The following QKI variants were observed in gnomAD, a reference collection of about 807,000 sequenced individuals.
QKI encodes the protein KH domain-containing RNA-binding protein QKI.
In QKI, 10 loss-of-function variants were observed where a neutral mutation model predicts 39.0. The ratio of observed to expected loss-of-function variants is 0.26; its 90% CI spans 0.16 to 0.43. The LOEUF is 0.43. QKI is among the 20% of genes least tolerant of loss of function. The pLI is 1.00. For missense variants in QKI, 218 were observed against 428.0 expected (o/e 0.51, Z 4.33); for synonymous variants, 204 against 155.4 (o/e 1.31, Z -2.33).
chr6:163,498,747 T>C (rs978231616), intron 3 of QKI, among the ~76,000 whole-genome samples: 36 of 152,196 alleles, frequency 2.4e-4, no homozygotes, highest in Non-Finnish European at 1.5e-5. Flanking sequence ...GACAGGTTTG[T>C]ACGTGTGTCT....
At position 163,452,330 on chromosome 6, in the gene QKI, TTACTATCTTA is replaced by T. The variant is rs554712158; in HGVS notation, c.143-2945_143-2936del. ...CTTAGTTACCTTTTCATTCCCATCATTACTATCTTATACATTAATTTGTGTTCTGTTATGA... is the reference window on the plus strand; with the variant it reads ...CTTAGTTACCTTTTCATTCCCATCATTACATTAATTTGTGTTCTGTTATGA... On this transcript the variant is annotated intron_variant, in intron 1 of 7. Transcript: ENST00000361752. 2.6e-3 allele frequency among the ~76,000 whole-genome samples: 394 copies of T among 152,328 alleles called. 2 individuals are homozygous for T. The highest frequency in any genetic ancestry group is 2.1e-3 in the Non-Finnish European group (145 of 68,028).
intron 4 of QKI, among the ~76,000 whole-genome samples, chr6:163,539,995 C>T (rs9365574): frequency 0.78 from 118,339 of 151,776 alleles, 46,304 homozygotes; most frequent in East Asian, 1. Flanking sequence ...GTGATACTTA[C>T]GTAACATGAG....
chr6:163,527,245 GAATTA>G (rs1216759831), intron 3 of QKI, among the ~76,000 whole-genome samples: 1 of 152,078 alleles, frequency 6.6e-6, no homozygotes, highest in African/African-American at 2.4e-5. Context: ...AGTCAGTGAG[GAATTA>G]AATTGTGTGA....
chr6:163,560,328 T>C (rs149226030), intron 4 of QKI, among the ~76,000 whole-genome samples: 71 of 152,334 alleles, frequency 4.7e-4, no homozygotes, highest in Middle Eastern at 3.4e-3. Flanking sequence ...ATCAATGTTA[T>C]AATGAAACCA....
At chr6:163,538,020 C>T (rs1281768849) in intron 4 of QKI, among the ~76,000 whole-genome samples, 2 of 109,510 alleles carry the variant, frequency 1.8e-5, no homozygotes, top group African/African-American at 5.7e-5. Context: ...CTAAAGCACA[C>T]AGTCATATGT....
intron 7 of QKI, chr6:163,570,205 A>C (rs1311803185): frequency 1.0e-6 from 1 of 983,888 alleles, no homozygotes; most frequent in East Asian, 1.1e-4. Flanking sequence ...GAATTTCTTT[A>C]GATTCATTTC....
rs1029658550 is a variant in QKI at position 163,447,135 on chromosome 6, T to C, written c.143-8144T>C. Among the ~76,000 whole-genome samples, 3 of 152,210 alleles carry C rather than the reference T, an allele frequency of 2.0e-5. No individual in the cohort carries two copies. The South Asian group carries it at 6.2e-4, about 31-fold the overall frequency. On this transcript the variant is annotated intron_variant, in intron 1 of 7. Transcript: ENST00000361752. The stretch of plus-strand genomic sequence containing the variant: ...TGCCAGGAAATCCTCTATGAAACTC[T>C]TAAGTAAAGCTGGTTAGACTAGCTG...
At chr6:163,524,309 T>G (rs1046067572) in intron 3 of QKI, among the ~76,000 whole-genome samples, 2 of 150,920 alleles carry the variant, frequency 1.3e-5, no homozygotes, top group African/African-American at 4.9e-5. Flanking sequence ...GGTTAATATA[T>G]TTTATTAACT....
At chr6:163,494,659 T>TG (rs992569107) in intron 3 of QKI, among the ~76,000 whole-genome samples, 9 of 62,320 alleles carry the variant, frequency 1.4e-4, no homozygotes, top group African/African-American at 4.4e-4. Flanking sequence ...GGGTTTTTTT[T>TG]TTGTTTTTGT....
intron 1 of QKI, among the ~76,000 whole-genome samples, chr6:163,451,365 T>A (rs1790546893): frequency 6.6e-6 from 1 of 152,204 alleles, no homozygotes; most frequent in African/African-American, 2.4e-5. Flanking sequence ...TATAGGGTTT[T>A]GCATATTAAA....
At chr6:163,511,598 A>G (rs1288926879) in intron 3 of QKI, among the ~76,000 whole-genome samples, 1 of 152,032 alleles carries the variant, frequency 6.6e-6, no homozygotes, top group Non-Finnish European at 1.5e-5. Context: ...TAGACAACTT[A>G]GTTGAAAAAA....
At chr6:163,447,221 T>TA (rs891784235) in intron 1 of QKI, among the ~76,000 whole-genome samples, 1 of 151,206 alleles carries the variant, frequency 6.6e-6, no homozygotes, top group Non-Finnish European at 1.5e-5. Flanking sequence ...TATTGATAGA[T>TA]ATTTTACATA....
In QKI at chr6:163,574,765, C is replaced by T. The variant is rs1783889919; in HGVS notation, c.*4055C>T. The stretch of plus-strand genomic sequence containing the variant: ...ACTTGCTTTTTTCTGTGAAACAGTT[C>T]TCCTAGATACCAAAATCCTCAGGAT... On this transcript the variant is annotated 3_prime_UTR_variant, in exon 8 of 8. Coordinates refer to ENST00000361752, the MANE Select transcript of QKI (RefSeq NM_006775.3). 7.0e-6 allele frequency: 1 copy of T among 142,954 alleles called. No individual in the cohort carries two copies. The highest frequency in any genetic ancestry group is 2.5e-5 in the African/African-American group (1 of 40,740). 8.9% of individuals were successfully genotyped at this position (142,954 alleles called of 1,614,324 possible).
intron 1 of QKI, among the ~76,000 whole-genome samples, chr6:163,448,180 G>T (rs912854719): frequency 6.6e-6 from 1 of 152,078 alleles, no homozygotes; most frequent in Non-Finnish European, 1.5e-5. Flanking sequence ...GAAATTTATC[G>T]CCAGTTGTGG....
At chr6:163,455,810 C>G (rs981013150) in intron 2 of QKI, among the ~76,000 whole-genome samples, 2 of 152,184 alleles carry the variant, frequency 1.3e-5, no homozygotes, top group African/African-American at 4.8e-5. Context: ...AGTTTCCTTT[C>G]AGCTCTAAAA....
At chr6:163,488,113 T>C (rs1777792539) in intron 3 of QKI, among the ~76,000 whole-genome samples, 1 of 152,202 alleles carries the variant, frequency 6.6e-6, no homozygotes, top group Non-Finnish European at 1.5e-5. Flanking sequence ...TTCCGTTCAT[T>C]GAAGATATTA....
intron 7 of QKI, 36 bp from the exon 8 acceptor site, chr6:163,570,658 T>G (rs1251405562): frequency 1.2e-6 from 2 of 1,605,988 alleles, no homozygotes; most frequent in African/African-American, 2.7e-5. Context: ...TCTTTTCTTT[T>G]TTTTGTTTTG....
intron 1 of QKI, among the ~76,000 whole-genome samples, chr6:163,422,127 T>TA (rs1451859963): frequency 6.6e-6 from 1 of 152,206 alleles, no homozygotes; most frequent in African/African-American, 2.4e-5. Flanking sequence ...GATGAATTTT[T>TA]AAAAAATATA....
At chr6:163,448,525 C>T (rs908662971) in intron 1 of QKI, among the ~76,000 whole-genome samples, 22 of 151,524 alleles carry the variant, frequency 1.5e-4, no homozygotes, top group African/African-American at 4.1e-4. Context: ...GTCAGGAGTT[C>T]GAGACCAGCC....
Sources: gnomAD v4.1 joint callset for allele counts (sites outside exome capture counted in the v4.1 genomes callset) on GRCh38, gnomAD v4.1.1 for gene constraint, MANE v1.5 for transcripts, NCBI Gene and HGNC (gene_info 2026-07-23, HGNC 2026-07-21) for gene names.